The following EXTL3 variants were observed in gnomAD, a reference collection of about 807,000 sequenced individuals.
The protein encoded by EXTL3 is exostosin-like 3.
EXTL3 carries 27 observed loss-of-function variants against 69.3 expected under a neutral mutation model. The ratio of observed to expected loss-of-function variants is 0.39; its 90% confidence interval spans 0.29 to 0.54. The LOEUF (loss-of-function observed/expected upper bound fraction) is 0.54, where lower values mean the gene tolerates loss of function less well. Ranked by LOEUF, EXTL3 falls within the 20% of genes least tolerant of loss-of-function variation. The pLI, the probability that EXTL3 is intolerant of heterozygous loss-of-function variation, is 0.69. For synonymous variants in EXTL3, 511 were observed against 499.4 expected (o/e 1.02, Z -0.31); for missense variants, 1,003 against 1,231.8 (o/e 0.81, Z 2.78).
intron 3 of EXTL3, among the ~76,000 whole-genome samples, chr8:28,720,977 A>C (rs1394210814): frequency 6.6e-6 from 1 of 152,190 alleles, no homozygotes; most frequent in Non-Finnish European, 1.5e-5. Context: ...AAGATGTTCC[A>C]CTGTTTCCAG....
chr8:28,647,292 CGGGGGTTT>C (rs1189000829), intron 1 of EXTL3, among the ~76,000 whole-genome samples: 1 of 151,796 alleles, frequency 6.6e-6, no homozygotes, highest in Admixed American at 6.6e-5. Flanking sequence ...TTAGTAGAGA[CGGGGGTTT>C]CACCATGTTG....
At chr8:28,634,348 C>T (rs1450946314) in intron 1 of EXTL3, among the ~76,000 whole-genome samples, 1 of 152,108 alleles carries the variant, frequency 6.6e-6, no homozygotes, top group Non-Finnish European at 1.5e-5. Flanking sequence ...TCAGGACTCC[C>T]CTCCTGATCG....
chr8:28,719,735 G>T (rs1392072568), intron 3 of EXTL3, among the ~76,000 whole-genome samples: 1 of 152,076 alleles, frequency 6.6e-6, no homozygotes, highest in African/African-American at 2.4e-5. Flanking sequence ...GAAAGCATTT[G>T]CTCTGTGAAA....
chr8:28,747,296 A>T (rs1801907597), intron 6 of EXTL3, among the ~76,000 whole-genome samples: 1 of 152,206 alleles, frequency 6.6e-6, no homozygotes, highest in South Asian at 2.1e-4. Flanking sequence ...CTAAGAGAGC[A>T]GCAGTGAGTG....
chr8:28,620,205 G>GA (rs1179996996), upstream of EXTL3, among the ~76,000 whole-genome samples: 2 of 151,978 alleles, frequency 1.3e-5, no homozygotes, highest in African/African-American at 2.4e-5. Context: ...ACTCCTGCAA[G>GA]AAAAAAACTG....
At chr8:28,673,512 G>A (rs895182377) in intron 1 of EXTL3, among the ~76,000 whole-genome samples, 5 of 152,140 alleles carry the variant, frequency 3.3e-5, no homozygotes, top group African/African-American at 1.2e-4. Context: ...TTTACACACC[G>A]TTGGTTCCCT....
At chr8:28,748,130 G>A (rs1801927916) in intron 6 of EXTL3, among the ~76,000 whole-genome samples, 1 of 152,106 alleles carries the variant, frequency 6.6e-6, no homozygotes, top group African/African-American at 2.4e-5. Context: ...CCCAACACTT[G>A]GGGAGGCTGA....
At chr8:28,661,973 G>T (rs1488218790) in intron 1 of EXTL3, among the ~76,000 whole-genome samples, 1 of 150,614 alleles carries the variant, frequency 6.6e-6, no homozygotes, top group African/African-American at 2.4e-5. Context: ...AATATGAAAA[G>T]TATAAATATA....
upstream of EXTL3, among the ~76,000 whole-genome samples, chr8:28,618,127 TA>T (rs1034480976): frequency 1.3e-5 from 2 of 152,024 alleles, no homozygotes; most frequent in African/African-American, 4.8e-5. Flanking sequence ...TAAAAATGAT[TA>T]AAATGACAAA....
At chr8:28,611,945 G>A (rs189678785) in intron 2 of EXTL3, among the ~76,000 whole-genome samples, 169 of 152,286 alleles carry the variant, frequency 1.1e-3, no homozygotes, top group Non-Finnish European at 1.6e-3. Flanking sequence ...ATTTCCTCTA[G>A]GCTTTGCCAA....
intron 3 of EXTL3, among the ~76,000 whole-genome samples, chr8:28,723,996 G>T (rs923088517): frequency 2.0e-5 from 3 of 149,406 alleles, no homozygotes; most frequent in Non-Finnish European, 3.0e-5. Context: ...TTTTTTCCAC[G>T]TGTAAATTTC....
At chr8:28,667,808 A>C (rs1807219540) in intron 1 of EXTL3, among the ~76,000 whole-genome samples, 1 of 151,954 alleles carries the variant, frequency 6.6e-6, no homozygotes, top group South Asian at 2.1e-4. Context: ...ACATGTATAC[A>C]TATGTAACAA....
chr8:28,673,492 C>T (rs1807332108), intron 1 of EXTL3, among the ~76,000 whole-genome samples: 1 of 152,168 alleles, frequency 6.6e-6, no homozygotes, highest in Non-Finnish European at 1.5e-5. Context: ...GGAACATCTC[C>T]AGACTGGGAT....
chr8:28,696,885 C>G (rs1466309515), upstream of EXTL3: 1 of 152,116 alleles, frequency 6.6e-6, no homozygotes, highest in Non-Finnish European at 1.5e-5. Flanking sequence ...TCTGGTCTAC[C>G]TCTGATGGAC....
At chr8:28,709,248 T>A (rs1329674012) in intron 1 of EXTL3, among the ~76,000 whole-genome samples, 1 of 152,224 alleles carries the variant, frequency 6.6e-6, no homozygotes, top group Non-Finnish European at 1.5e-5. Flanking sequence ...ACGGGATTGC[T>A]GTGAGGATTA....
intron 1 of EXTL3, among the ~76,000 whole-genome samples, chr8:28,705,066 G>A (rs964261098): frequency 4.6e-5 from 7 of 152,236 alleles, no homozygotes; most frequent in African/African-American, 7.2e-5. Flanking sequence ...ATTAAGGGGG[G>A]CCTTAAAGCC....
At chr8:28,703,585 C>T (rs902927214) in intron 1 of EXTL3, among the ~76,000 whole-genome samples, 9 of 151,994 alleles carry the variant, frequency 5.9e-5, no homozygotes, top group African/African-American at 9.7e-5. Flanking sequence ...AGGAGTGATG[C>T]GGAGTCCTTG....
At position 28,713,474 on chromosome 8, in the gene EXTL3, G is replaced by C. The variant is rs1801073494; in HGVS notation, c.-552G>C. ...TAAATCAGGAGAGCAAGCCCTGGAG[G>C]TTCACTCTTTCAAGAAGTCGTGTGC... On this transcript the variant is annotated 5_prime_UTR_variant, in exon 2 of 7. Transcript: ENST00000220562. The C allele has an allele frequency of 2.9e-6, 2 of 698,500 alleles. No homozygotes were observed. The highest frequency in any genetic ancestry group is 3.5e-5 in the African/African-American group (2 of 56,916). 43.3% of individuals were successfully genotyped at this position (698,500 alleles called of 1,614,324 possible).
At chr8:28,723,093 C>T (rs1801333303) in intron 3 of EXTL3, among the ~76,000 whole-genome samples, 1 of 152,188 alleles carries the variant, frequency 6.6e-6, no homozygotes, top group African/African-American at 2.4e-5. Flanking sequence ...TCAGGGCTTA[C>T]TCCTTAAAGT....
Sources: gnomAD v4.1 joint callset for allele counts (sites outside exome capture counted in the v4.1 genomes callset) on GRCh38, gnomAD v4.1.1 for gene constraint, MANE v1.5 for transcripts, NCBI Gene and HGNC (gene_info 2026-07-23, HGNC 2026-07-21) for gene names.